Variants in ASB3 observed in about 807,000 individuals in gnomAD.
The protein encoded by ASB3 is ankyrin repeat and SOCS box containing 3, also known as ankyrin repeat and SOCS box protein 3.
A neutral mutation model predicts 54.5 loss-of-function variants in ASB3; 41 were observed. The observed-to-expected ratio is 0.75, with a 90% CI of 0.59 to 0.98. ASB3 has a LOEUF of 0.98. Ranked by LOEUF, ASB3 falls within the 50% of genes least tolerant of loss-of-function variation. The pLI is 0.00. For missense variants in ASB3, 733 were observed against 620.0 expected (o/e 1.18, Z -1.94); for synonymous variants, 266 against 221.2 (o/e 1.20, Z -1.80).
rs1258843167 is a variant in ASB3 at position 53,750,876 on chromosome 2, T to C, written c.262A>G (p.Ser88Gly). 3 of 1,602,332 alleles carry C rather than the reference T, an allele frequency of 1.9e-6. No individual in the cohort carries two copies. The African/African-American group carries it at 4.0e-5, about 21-fold the overall frequency. The change falls in exon 3 of 10, where the codon AGT (serine) becomes GGT (glycine). Residue 88 changes from serine to glycine, a missense_variant. Coordinates refer to ENST00000263634, the MANE Select transcript of ASB3 (RefSeq NM_016115.5). ...EGFCALHLAASQGHWKIVQIL... is the reference protein window; with the variant it reads ...EGFCALHLAAGQGHWKIVQIL... ...TGTACGATTTTCCAATGTCCTTGACTTGCAGCGAGATGCAAAGCACAGAAA... is the reference window on the plus strand; with the variant it reads ...TGTACGATTTTCCAATGTCCTTGACCTGCAGCGAGATGCAAAGCACAGAAA...
At chr2:53,728,625 T>G in intron 5 of ASB3, 87 bp downstream of exon 5, 2 of 1,369,470 alleles carry the variant, frequency 1.5e-6, no homozygotes, top group Non-Finnish European at 1.9e-6. Flanking sequence ...ACAACCTGAT[T>G]TATATTTGAG....
intron 5 of ASB3, among the ~76,000 whole-genome samples, chr2:53,725,683 C>T (rs139736052): frequency 8.4e-4 from 128 of 152,158 alleles, no homozygotes; most frequent in Non-Finnish European, 1.4e-3. Flanking sequence ...ATCATCAAGA[C>T]GGAAAAGGCT....
chr2:53,746,842 G>C (rs1441303471), intron 3 of ASB3, among the ~76,000 whole-genome samples: 1 of 151,696 alleles, frequency 6.6e-6, no homozygotes, highest in Non-Finnish European at 1.5e-5. Flanking sequence ...TACTATATTG[G>C]CCAGGCACGG....
intron 9 of ASB3, among the ~76,000 whole-genome samples, chr2:53,680,320 A>G (rs1207396634): frequency 1.3e-5 from 2 of 152,200 alleles, no homozygotes; most frequent in Non-Finnish European, 2.9e-5. Context: ...GAATTGCCAC[A>G]CTGTCTTCCC....
intron 9 of ASB3, among the ~76,000 whole-genome samples, chr2:53,686,704 C>CATAT (rs1553369930): frequency 9.9e-5 from 15 of 151,952 alleles, no homozygotes; most frequent in African/African-American, 3.6e-4. Context: ...ATAATTTCTC[C>CATAT]TTATTTATTT....
At chr2:53,701,523 A>G (rs1304085863) in intron 7 of ASB3, among the ~76,000 whole-genome samples, 1 of 152,164 alleles carries the variant, frequency 6.6e-6, no homozygotes, top group Non-Finnish European at 1.5e-5. Context: ...ATATAGCCAA[A>G]TTGAAGAATA....
chr2:53,734,215 T>C (rs1671487544), intron 3 of ASB3, among the ~76,000 whole-genome samples: 1 of 152,194 alleles, frequency 6.6e-6, no homozygotes, highest in African/African-American at 2.4e-5. Context: ...TTGGGGGGCC[T>C]GTTCCCAACA....
intron 1 of ASB3, chr2:53,768,236 G>T (rs188157536): frequency 1.4e-5 from 8 of 560,470 alleles, no homozygotes; most frequent in Non-Finnish European, 2.1e-5. Flanking sequence ...AGATGCCGGT[G>T]GTTAGTCTCT....
Position 53,750,882 on chromosome 2 carries a change from C to T in ASB3, c.256G>A (p.Ala86Thr), listed in dbSNP as rs534088626. The T allele has an allele frequency of 1.9e-5, 31 of 1,600,944 alleles. No homozygotes were observed. Among genetic ancestry groups the T allele is most frequent in the African/African-American group, 2.7e-5 (2 of 74,756 alleles). The change falls in exon 3 of 10, where the codon GCT (alanine) becomes ACT (threonine). Residue 86 changes from alanine to threonine, a missense_variant. Physicochemically the swap from Ala to Thr is moderately conservative, Grantham distance 58. Transcript: ENST00000263634. ...TFEGFCALHL[A>T]ASQGHWKIVQ... ...ATTTTCCAATGTCCTTGACTTGCAG[C>T]GAGATGCAAAGCACAGAAACCTTCA... is the stretch of plus-strand genomic sequence containing the variant.
At chr2:53,753,475 G>C (rs922712000) in intron 2 of ASB3, among the ~76,000 whole-genome samples, 1 of 152,110 alleles carries the variant, frequency 6.6e-6, no homozygotes, top group African/African-American at 2.4e-5. Context: ...TTCATGTTTA[G>C]CTTAATATAG....
chr2:53,716,167 T>A (rs1670376870), intron 6 of ASB3, among the ~76,000 whole-genome samples: 2 of 152,068 alleles, frequency 1.3e-5, no homozygotes, highest in African/African-American at 4.8e-5. Context: ...TAGCACACAC[T>A]CCAACAGGCA....
intron 8 of ASB3, among the ~76,000 whole-genome samples, chr2:53,698,487 A>G (rs938408336): frequency 6.6e-6 from 1 of 151,888 alleles, no homozygotes; most frequent in Non-Finnish European, 1.5e-5. Context: ...TTGCCCTCAC[A>G]TCTCTCTATA....
intron 1 of ASB3, among the ~76,000 whole-genome samples, chr2:53,785,685 A>C (rs1674927169): frequency 1.3e-5 from 2 of 151,990 alleles, no homozygotes; most frequent in Admixed American, 1.3e-4. Flanking sequence ...TCTACTAAAA[A>C]TACAAAAATT....
intron 8 of ASB3, among the ~76,000 whole-genome samples, chr2:53,699,959 ATTCT>A (rs1669396400): frequency 6.6e-6 from 1 of 152,194 alleles, no homozygotes; most frequent in South Asian, 2.1e-4. Context: ...AGCTCCAAGC[ATTCT>A]TTCTTCTGTT....
intron 3 of ASB3, among the ~76,000 whole-genome samples, chr2:53,743,451 T>C (rs1672046901): frequency 6.6e-6 from 1 of 152,156 alleles, no homozygotes; most frequent in Admixed American, 6.5e-5. Context: ...TTCTAAGCTA[T>C]TTAACCGTGG....
chr2:53,742,232 A>G (rs1188404482), intron 3 of ASB3, among the ~76,000 whole-genome samples: 9 of 152,210 alleles, frequency 5.9e-5, no homozygotes, highest in Admixed American at 5.2e-4. Flanking sequence ...AAATGAATTC[A>G]TGTCCAAAAA....
At chr2:53,759,876 G>A (rs983247359) in intron 2 of ASB3, among the ~76,000 whole-genome samples, 1 of 152,134 alleles carries the variant, frequency 6.6e-6, no homozygotes, top group Non-Finnish European at 1.5e-5. Flanking sequence ...GCAAGCACCA[G>A]CCCACGCCAT....
intron 3 of ASB3, among the ~76,000 whole-genome samples, chr2:53,735,485 T>TAAAA (rs11414333): frequency 2.3e-5 from 3 of 130,054 alleles, no homozygotes; most frequent in Non-Finnish European, 3.3e-5. Context: ...AGCAAAGATC[T>TAAAA]AAAAAAAAAA....
chr2:53,701,721 G>A (rs1335039992), intron 7 of ASB3, among the ~76,000 whole-genome samples: 3 of 152,124 alleles, frequency 2.0e-5, no homozygotes, highest in Non-Finnish European at 4.4e-5. Flanking sequence ...CCAAATATAT[G>A]CTCAATGTTT....
Sources: allele counts gnomAD v4.1 joint callset (sites outside exome capture counted in the v4.1 genomes callset), GRCh38; gene constraint gnomAD v4.1.1; transcripts MANE v1.5; gene names NCBI Gene and HGNC (gene_info 2026-07-23, HGNC 2026-07-21).